The following C20orf96 variants were observed in gnomAD, a reference collection of about 807,000 sequenced individuals.
C20orf96 encodes uncharacterized protein C20orf96.
Under a neutral mutation model 52.6 loss-of-function variants are expected in C20orf96, and 57 were observed. That is an observed-to-expected ratio of 1.08 (90% CI 0.88 to 1.35). C20orf96 has a LOEUF of 1.35. C20orf96 is among the 40% of genes most tolerant of loss of function. The probability of loss-of-function intolerance (pLI) is 0.00; values close to 1 mark genes in which losing one functional copy is unlikely to be tolerated. For missense variants in C20orf96, 478 were observed against 443.6 expected (o/e 1.08, Z -0.70); for synonymous variants, 168 against 157.2 (o/e 1.07, Z -0.51).
intron 10 of C20orf96, 130 bp from the exon 11 acceptor site, chr20:271,397 T>G: frequency 1.5e-6 from 1 of 657,822 alleles, no homozygotes; most frequent in Non-Finnish European, 2.6e-6. Context: ...AAATACAATC[T>G]GTGATCTATC....
At chr20:288,174 CTTTT>C (rs1237648367) in intron 3 of C20orf96, among the ~76,000 whole-genome samples, 48 of 66,038 alleles carry the variant, frequency 7.3e-4, no homozygotes, top group Non-Finnish European at 3.4e-4. Context: ...TTTTCTTTTT[CTTTT>C]TTTTTTTTTT....
At chr20:285,009 C>A (rs1456794938) in intron 3 of C20orf96, among the ~76,000 whole-genome samples, 2 of 152,188 alleles carry the variant, frequency 1.3e-5, no homozygotes, top group East Asian at 3.8e-4. Context: ...ATAGAGTCTT[C>A]CTGAAGATGA....
At chr20:275,341 AGAAGAAAAG>A in intron 10 of C20orf96, among the ~76,000 whole-genome samples, 1 of 152,130 alleles carries the variant, frequency 6.6e-6, no homozygotes, top group East Asian at 1.9e-4. Context: ...GTTTAGAAAT[AGAAGAAAAG>A]GAAGAAATGG....
rs764934264 is a variant in C20orf96 at position 277,390 on chromosome 20, AG to A, written c.566-8del. The A allele has an allele frequency of 2.2e-5, 35 of 1,612,914 alleles. No homozygotes were observed. Among genetic ancestry groups the A allele is most frequent in the Non-Finnish European group, 2.8e-5 (33 of 1,179,966 alleles). ...TCTGCCTGCTGCTCAAGATCTGGGGAGGGGTTAGGGAGGTCAGCAGGGACAG... is the reference window on the plus strand; with the variant it reads ...TCTGCCTGCTGCTCAAGATCTGGGGAGGGTTAGGGAGGTCAGCAGGGACAG... On this transcript the variant is annotated splice_polypyrimidine_tract_variant and splice_region_variant and intron_variant, in intron 6 of 10. Transcript: ENST00000360321.
chr20:279,277 G>C lies in C20orf96; in HGVS notation c.360C>G (p.Asn120Lys), dbSNP rs568029243. 6.2e-7 allele frequency: 1 copy of C among 1,610,586 alleles called. No homozygotes were observed. Among genetic ancestry groups the C allele is most frequent in the Non-Finnish European group, 8.5e-7 (1 of 1,179,206 alleles). The change falls in exon 5 of 11, where the codon AAC (asparagine) becomes AAG (lysine). Residue 120 changes from asparagine to lysine, a missense_variant. Transcript: ENST00000360321. ...AALRELRSRE[N>K]FLSKLNRELI... ...GCTCCCGGTTGAGCTTGCTGAGGAA[G>C]TTCTCACGGCTTCGGAGCTCTCGCA...
intron 1 of C20orf96, 96 bp downstream of exon 1, chr20:290,495 C>CA (rs2012514502): frequency 4.9e-6 from 7 of 1,432,118 alleles, no homozygotes; most frequent in Admixed American, 2.6e-5. Flanking sequence ...AGACCGAGGG[C>CA]GACCTCGAGG....
At chr20:282,667 T>TG (rs1463006543) in intron 4 of C20orf96, among the ~76,000 whole-genome samples, 1 of 152,182 alleles carries the variant, frequency 6.6e-6, no homozygotes, top group Non-Finnish European at 1.5e-5. Context: ...GGTCAGGAGT[T>TG]GGAGACCAGC....
intron 3 of C20orf96, among the ~76,000 whole-genome samples, chr20:285,233 G>C (rs1276292888): frequency 1.3e-5 from 2 of 152,266 alleles, no homozygotes; most frequent in East Asian, 3.9e-4. Context: ...CAGGCATTTG[G>C]GGGGCATATT....
chr20:287,872 G>A (rs954369809), intron 3 of C20orf96, among the ~76,000 whole-genome samples: 2 of 127,884 alleles, frequency 1.6e-5, no homozygotes, highest in African/African-American at 6.2e-5. Flanking sequence ...TCGCACCACT[G>A]CACCCTGGCC....
At chr20:287,026 G>A (rs775832245) in intron 3 of C20orf96, among the ~76,000 whole-genome samples, 11 of 152,256 alleles carry the variant, frequency 7.2e-5, no homozygotes, top group East Asian at 3.9e-4. Context: ...AGTTTTCCAC[G>A]GTGGGGATAC....
At chr20:277,183 C>G (rs2012058139) in intron 7 of C20orf96, 38 bp from the exon 8 acceptor site, 1 of 1,613,060 alleles carries the variant, frequency 6.2e-7, no homozygotes, top group Non-Finnish European at 8.5e-7. Context: ...ACCAGTCCTG[C>G]CTCCCACACA....
At chr20:290,563 A>AT (rs750461479) in intron 1 of C20orf96, 28 bp downstream of exon 1, 39,194 of 1,288,074 alleles carry the variant, frequency 0.03, 65 homozygotes, top group Middle Eastern at 0.05. Flanking sequence ...CTTTCTTCCA[A>AT]TTTTTTTTTT....
chr20:285,103 T>C (rs2012350400), intron 3 of C20orf96, among the ~76,000 whole-genome samples: 3 of 152,214 alleles, frequency 2.0e-5, no homozygotes, highest in Admixed American at 2.0e-4. Context: ...TTGTTACTCT[T>C]ACTTCTAGTG....
intron 3 of C20orf96, among the ~76,000 whole-genome samples, chr20:287,242 ACACTTGTTT>A (rs2012410390): frequency 6.6e-6 from 1 of 152,232 alleles, no homozygotes; most frequent in Non-Finnish European, 1.5e-5. Flanking sequence ...AGAAATGGCC[ACACTTGTTT>A]CCAGAGAGGC....
chr20:290,596 T>C lies in C20orf96; in HGVS notation c.15A>G (p.Leu5=). 3 of 1,607,326 alleles carry C rather than the reference T, an allele frequency of 1.9e-6. No homozygotes were observed. Among genetic ancestry groups the C allele is most frequent in the Non-Finnish European group, 2.5e-6 (3 of 1,177,912 alleles). Residue 5 remains leucine (L), a synonymous_variant, in exon 1 of 11, where the codon TTA becomes TTG. Coordinates refer to ENST00000360321, the MANE Select transcript of C20orf96 (RefSeq NM_153269.3). The stretch of plus-strand genomic sequence containing the variant: ...TTTTTTTTTTTTTTACCTACTTTTG[T>C]AAGACATGCGCCATTGGGGAAAATG... MAHV[L]QKPKHSGTHS...
At chr20:285,019 A>C in intron 3 of C20orf96, among the ~76,000 whole-genome samples, 1 of 152,206 alleles carries the variant, frequency 6.6e-6, no homozygotes, top group Non-Finnish European at 1.5e-5. Context: ...CCTGAAGATG[A>C]AAGAAGTTAC....
At chr20:288,592 G>T (rs893710253) in intron 3 of C20orf96, among the ~76,000 whole-genome samples, 1 of 152,256 alleles carries the variant, frequency 6.6e-6, no homozygotes. Flanking sequence ...AGTAGAGCCT[G>T]GTGGGAGCCT....
intron 3 of C20orf96, among the ~76,000 whole-genome samples, chr20:286,461 G>A (rs113083608): frequency 0.019 from 2,915 of 151,640 alleles, 82 homozygotes; most frequent in African/African-American, 0.066. Flanking sequence ...AGGTTACAGT[G>A]AGCTGAGATC....
At chr20:271,440 G>GCATACA (rs1555769582) in intron 10 of C20orf96, among the ~76,000 whole-genome samples, 173 bp from the exon 11 acceptor site, 1 of 116,650 alleles carries the variant, frequency 8.6e-6, no homozygotes, top group Non-Finnish European at 1.8e-5. Flanking sequence ...GCATACACAA[G>GCATACA]CATACACACA....
Sources: gnomAD v4.1 joint callset for allele counts (sites outside exome capture counted in the v4.1 genomes callset) on GRCh38, gnomAD v4.1.1 for gene constraint, MANE v1.5 for transcripts, NCBI Gene and HGNC (gene_info 2026-07-23, HGNC 2026-07-21) for gene names.